SPATA6: variants seen among roughly 807,000 people sequenced by gnomAD.
SPATA6 encodes the protein spermatogenesis associated 6.
SPATA6 carries 56 observed loss-of-function variants against 65.3 expected under a neutral mutation model. That is an observed-to-expected ratio of 0.86 (90% confidence interval 0.69 to 1.07). SPATA6 has a LOEUF of 1.07. Ranked by LOEUF, SPATA6 falls within the 50% of genes least tolerant of loss-of-function variation. The pLI is 0.00. For missense variants in SPATA6, 590 were observed against 594.8 expected (o/e 0.99, Z 0.08); for synonymous variants, 199 against 213.2 (o/e 0.93, Z 0.58).
chr1:48,345,654 G>C (rs76200252), intron 11 of SPATA6, among the ~76,000 whole-genome samples: 1 of 151,770 alleles, frequency 6.6e-6, no homozygotes, highest in Admixed American at 6.6e-5. Flanking sequence ...AAACAACAAG[G>C]GGATATTACC....
intron 3 of SPATA6, among the ~76,000 whole-genome samples, chr1:48,440,478 G>A (rs1655353137): frequency 6.6e-6 from 1 of 152,214 alleles, no homozygotes; most frequent in Non-Finnish European, 1.5e-5. Context: ...GACAGCTGAA[G>A]AAAGGGACAA....
the SPATA6 span, among the ~76,000 whole-genome samples, chr1:48,290,050 C>T: frequency 6.6e-6 from 1 of 152,152 alleles, no homozygotes; most frequent in Non-Finnish European, 1.5e-5. Context: ...ACATAATTGT[C>T]AGATTCACCA....
chr1:48,427,068 G>A (rs1653904709), intron 3 of SPATA6, among the ~76,000 whole-genome samples: 2 of 151,936 alleles, frequency 1.3e-5, no homozygotes, highest in Non-Finnish European at 2.9e-5. Flanking sequence ...TGGGACTATA[G>A]GCATGTACCA....
At chr1:48,400,829 G>A in intron 6 of SPATA6, 1 of 1,284,530 alleles carries the variant, frequency 7.8e-7, no homozygotes, top group Non-Finnish European at 1.0e-6. Flanking sequence ...TATGCTTCTG[G>A]ACCTTCTCCA....
chr1:48,467,881 C>A (rs565631435), intron 1 of SPATA6, among the ~76,000 whole-genome samples: 8 of 152,040 alleles, frequency 5.3e-5, no homozygotes, highest in Non-Finnish European at 8.8e-5. Flanking sequence ...ATAATAAATT[C>A]AAAAAATTGT....
intron 3 of SPATA6, among the ~76,000 whole-genome samples, chr1:48,435,492 A>G (rs1250830685): frequency 6.6e-6 from 1 of 152,042 alleles, no homozygotes; most frequent in Non-Finnish European, 1.5e-5. Context: ...AGCACTCTGT[A>G]AAAATGCACC....
chr1:48,384,033 C>T (rs1649118452), intron 9 of SPATA6, among the ~76,000 whole-genome samples: 2 of 151,404 alleles, frequency 1.3e-5, no homozygotes, highest in South Asian at 4.2e-4. Context: ...CACTGCACTC[C>T]AGCCTGGGCA....
intron 9 of SPATA6, among the ~76,000 whole-genome samples, chr1:48,381,016 T>G (rs1164571554): frequency 6.6e-6 from 1 of 152,206 alleles, no homozygotes; most frequent in African/African-American, 2.4e-5. Context: ...ATTAGTTAGA[T>G]TCTCACAAGG....
At chr1:48,406,676 C>G (rs1651737843) in intron 5 of SPATA6, among the ~76,000 whole-genome samples, 2 of 152,178 alleles carry the variant, frequency 1.3e-5, no homozygotes, top group South Asian at 4.1e-4. Flanking sequence ...ATCATCATCT[C>G]TACTCCATCA....
At chr1:48,321,344 T>G (rs1645593542) in intron 11 of SPATA6, among the ~76,000 whole-genome samples, 1 of 152,018 alleles carries the variant, frequency 6.6e-6, no homozygotes, top group Non-Finnish European at 1.5e-5. Context: ...AAAGATTTCA[T>G]GCAAATGGAA....
rs569755253 is a variant in SPATA6, at chr1:48,459,230, G to A, written c.52-6099C>T. ...AAAAAAAAAAAAAAAAAAAAAGAAC[G>A]TTTCATGGGATGTGAATAATATTGC... On this transcript the variant is annotated intron_variant, in intron 1 of 12. Coordinates refer to ENST00000371847, the MANE Select transcript of SPATA6 (RefSeq NM_019073.4). Among the ~76,000 whole-genome samples, 523 of 141,712 alleles carry A rather than the reference G, an allele frequency of 3.7e-3. 2 individuals carry two copies. Among genetic ancestry groups the A allele is most frequent in the Non-Finnish European group, 5.9e-3 (384 of 65,578 alleles). The allele number at this position is 141,712 out of a possible 152,430, so 93.0% of individuals were successfully genotyped here.
chr1:48,282,123 C>T, the SPATA6 span, among the ~76,000 whole-genome samples: 1 of 152,304 alleles, frequency 6.6e-6, no homozygotes, highest in Non-Finnish European at 1.5e-5. Flanking sequence ...GGAAAACTGG[C>T]TAGCCATATG....
At chr1:48,433,710 A>C (rs1343955250) in intron 3 of SPATA6, among the ~76,000 whole-genome samples, 1 of 152,172 alleles carries the variant, frequency 6.6e-6, no homozygotes, top group Non-Finnish European at 1.5e-5. Flanking sequence ...ATTGGTTTGA[A>C]TATATTTGTT....
At chr1:48,396,752 CAG>C (rs1313026303) in intron 7 of SPATA6, among the ~76,000 whole-genome samples, 1 of 151,194 alleles carries the variant, frequency 6.6e-6, no homozygotes. Context: ...TAGTGGTTGT[CAG>C]GGGTTGGGGG....
At chr1:48,364,274 G>A (rs182919613) in intron 9 of SPATA6, among the ~76,000 whole-genome samples, 133 of 152,288 alleles carry the variant, frequency 8.7e-4, no homozygotes, top group African/African-American at 3.1e-3. Flanking sequence ...ATGTGCATGT[G>A]TCTTTATAGA....
At chr1:48,461,087 A>G (rs1657394423) in intron 1 of SPATA6, among the ~76,000 whole-genome samples, 1 of 152,160 alleles carries the variant, frequency 6.6e-6, no homozygotes, top group African/African-American at 2.4e-5. Flanking sequence ...AACAATACTC[A>G]AAAATATGAT....
At chr1:48,459,411 T>C (rs1043651936) in intron 1 of SPATA6, among the ~76,000 whole-genome samples, 1 of 152,106 alleles carries the variant, frequency 6.6e-6, no homozygotes. Flanking sequence ...CATTTCATAT[T>C]GATTAAAAGT....
intron 11 of SPATA6, among the ~76,000 whole-genome samples, chr1:48,335,197 AC>A (rs1479032913): frequency 6.6e-6 from 1 of 152,114 alleles, no homozygotes; most frequent in African/African-American, 2.4e-5. Context: ...CATTAAAATG[AC>A]CATACTGCTC....
intron 11 of SPATA6, among the ~76,000 whole-genome samples, chr1:48,306,114 G>T (rs1570009282): frequency 1.3e-5 from 2 of 152,022 alleles, no homozygotes; most frequent in Admixed American, 1.3e-4. Context: ...CAAAGACTAG[G>T]TATCCAGTAG....
Sources: gnomAD v4.1 joint callset for allele counts (sites outside exome capture counted in the v4.1 genomes callset) on GRCh38, gnomAD v4.1.1 for gene constraint, MANE v1.5 for transcripts, NCBI Gene and HGNC (gene_info 2026-07-23, HGNC 2026-07-21) for gene names.